ATP8B4: variants seen among roughly 807,000 people sequenced by gnomAD.
ATP8B4 encodes the protein probable phospholipid-transporting ATPase IM.
ATP8B4 carries 133 observed loss-of-function variants against 145.6 expected under a neutral mutation model. The ratio of observed to expected loss-of-function variants is 0.91; its 90% CI spans 0.79 to 1.05. The LOEUF (loss-of-function observed/expected upper bound fraction) is 1.05. Among genes scored for constraint, ATP8B4 ranks in the 50% least tolerant of loss-of-function variants. ATP8B4 has a pLI of 0.00. For synonymous variants in ATP8B4, 507 were observed against 492.9 expected (o/e 1.03, Z -0.38); for missense variants, 1,458 against 1,425.2 (o/e 1.02, Z -0.37).
intron 23 of ATP8B4, among the ~76,000 whole-genome samples, chr15:49,887,718 T>G (rs1406179973): frequency 6.6e-6 from 1 of 152,066 alleles, no homozygotes; most frequent in Non-Finnish European, 1.5e-5. Flanking sequence ...GTTTTTTCTA[T>G]TTAAGGAAAG....
At chr15:50,026,540 C>T (rs2050019378) in intron 6 of ATP8B4, among the ~76,000 whole-genome samples, 1 of 152,170 alleles carries the variant, frequency 6.6e-6, no homozygotes, top group Non-Finnish European at 1.5e-5. Flanking sequence ...GGTGAGAGGG[C>T]AGCCGAGAGC....
intron 6 of ATP8B4, among the ~76,000 whole-genome samples, chr15:50,011,606 G>A (rs999075560): frequency 3.3e-5 from 5 of 152,128 alleles, no homozygotes; most frequent in African/African-American, 1.2e-4. Context: ...GTTCAAAGGG[G>A]TTTATTATGA....
At chr15:50,160,832 G>A (rs1196896402) in intron 1 of ATP8B4, among the ~76,000 whole-genome samples, 1 of 151,884 alleles carries the variant, frequency 6.6e-6, no homozygotes, top group Non-Finnish European at 1.5e-5. Context: ...CTAAGGAGAA[G>A]GACTGTATAT....
chr15:49,989,013 T>G (rs887462068), intron 9 of ATP8B4, among the ~76,000 whole-genome samples: 4 of 152,146 alleles, frequency 2.6e-5, no homozygotes, highest in African/African-American at 7.2e-5. Context: ...GCCTGAAGCC[T>G]CCCCACTTAG....
chr15:49,881,415 C>T (rs2035395498), intron 23 of ATP8B4, among the ~76,000 whole-genome samples: 1 of 152,190 alleles, frequency 6.6e-6, no homozygotes, highest in Admixed American at 6.5e-5. Context: ...TATTTAACCA[C>T]TGGCTCACAA....
chr15:49,971,628 G>A (rs2045142162), intron 13 of ATP8B4, among the ~76,000 whole-genome samples: 1 of 152,206 alleles, frequency 6.6e-6, no homozygotes, highest in Admixed American at 6.5e-5. Context: ...AAAAACACAT[G>A]CTGGAGAGGA....
rs77762740 is a variant in ATP8B4, at chr15:49,924,000, G to A, written c.1643-506C>T. 4.9e-4 allele frequency among the ~76,000 whole-genome samples: 74 copies of A among 151,660 alleles called. No homozygotes were observed. The East Asian group carries it at 0.012, about 25-fold the overall frequency. ...CATATTTCTTCATCCCTTTTACTCC[G>A]GAAAAGTCCATTAATTCTTGGTGGT... On this transcript the variant is annotated intron_variant, in intron 16 of 27. Coordinates refer to ENST00000284509, the MANE Select transcript of ATP8B4 (RefSeq NM_024837.4).
At position 49,901,160 on chromosome 15, in the gene ATP8B4, C is replaced by G; in HGVS notation, c.2221G>C (p.Glu741Gln). Residue 741 changes from glutamate to glutamine, a missense_variant, in exon 21 of 28, where the codon GAG becomes CAG. Coordinates refer to ENST00000284509, the MANE Select transcript of ATP8B4 (RefSeq NM_024837.4). ...GTTTCTTCTACAATAGAATCCAACT[C>G]CAGCTGCTGCTTTTTTTCACAAACT... The part of the protein sequence containing the change: ...HVVCEKKQQL[E>Q]LDSIVEETIT... 2 of 1,613,562 alleles carry G rather than the reference C, an allele frequency of 1.2e-6. No individual in the cohort carries two copies. Among genetic ancestry groups the G allele is most frequent in the Non-Finnish European group, 1.7e-6 (2 of 1,179,600 alleles).
chr15:49,952,980 G>C (rs2043231640), intron 14 of ATP8B4, among the ~76,000 whole-genome samples: 1 of 152,048 alleles, frequency 6.6e-6, no homozygotes, highest in South Asian at 2.1e-4. Context: ...CAGGGCTGCT[G>C]CAGTTTGCTG....
intron 1 of ATP8B4, among the ~76,000 whole-genome samples, chr15:50,142,971 G>C (rs1043823066): frequency 6.6e-6 from 1 of 152,166 alleles, no homozygotes; most frequent in Admixed American, 6.6e-5. Context: ...GCATAGGAAG[G>C]AGTTAAGAAT....
At chr15:50,044,466 TA>T in intron 5 of ATP8B4, 127 bp downstream of exon 5, 1 of 592,490 alleles carries the variant, frequency 1.7e-6, no homozygotes, top group Non-Finnish European at 2.8e-6. Flanking sequence ...AAACAAATAG[TA>T]AAATAGCTTT....
At chr15:49,862,496 C>T in intron 26 of ATP8B4, 121 bp from the exon 27 acceptor site, 1 of 1,174,460 alleles carries the variant, frequency 8.5e-7, no homozygotes, top group Non-Finnish European at 1.2e-6. Context: ...CTCTGTCTTC[C>T]AGGCTGGTGG....
chr15:49,988,501 G>T (rs2046812374), intron 9 of ATP8B4, among the ~76,000 whole-genome samples: 1 of 151,978 alleles, frequency 6.6e-6, no homozygotes, highest in South Asian at 2.1e-4. Flanking sequence ...GGAAGCTGTG[G>T]GTAGATCCAA....
chr15:50,010,818 A>G, intron 7 of ATP8B4, 27 bp downstream of exon 7: 1 of 1,424,590 alleles, frequency 7.0e-7, no homozygotes, highest in Non-Finnish European at 9.5e-7. Flanking sequence ...TCTGAGATAA[A>G]TTATTCAAAC....
At chr15:50,089,255 A>T (rs2055428197) in intron 2 of ATP8B4, among the ~76,000 whole-genome samples, 1 of 152,220 alleles carries the variant, frequency 6.6e-6, no homozygotes, top group African/African-American at 2.4e-5. Context: ...AAGCAATTGC[A>T]ACAAAAGTAA....
chr15:49,911,820 G>A (rs543135852), intron 20 of ATP8B4, among the ~76,000 whole-genome samples: 2 of 152,142 alleles, frequency 1.3e-5, no homozygotes. Context: ...TTTGAAAACT[G>A]AAGTCATATC....
At chr15:50,008,459 T>C (rs1007082942) in intron 7 of ATP8B4, among the ~76,000 whole-genome samples, 3 of 152,228 alleles carry the variant, frequency 2.0e-5, no homozygotes, top group African/African-American at 7.2e-5. Context: ...GTGTGTCTAA[T>C]ACAGTAGCCA....
At chr15:49,940,481 C>G (rs991324601) in intron 14 of ATP8B4, among the ~76,000 whole-genome samples, 20 of 152,184 alleles carry the variant, frequency 1.3e-4, no homozygotes, top group African/African-American at 3.6e-4. Context: ...TCAATCATAC[C>G]TCAAATCTCC....
chr15:50,083,942 G>A (rs565864438), intron 2 of ATP8B4, among the ~76,000 whole-genome samples: 2 of 152,304 alleles, frequency 1.3e-5, no homozygotes, highest in African/African-American at 4.8e-5. Context: ...CATGCCCACA[G>A]ATATGTGCAC....
Sources: gnomAD v4.1 joint callset for allele counts (sites outside exome capture counted in the v4.1 genomes callset) on GRCh38, gnomAD v4.1.1 for gene constraint, MANE v1.5 for transcripts, NCBI Gene and HGNC (gene_info 2026-07-23, HGNC 2026-07-21) for gene names.